Variants in GLDC observed in about 807,000 individuals in gnomAD.
The protein encoded by GLDC is glycine dehydrogenase (decarboxylating), mitochondrial.
A neutral mutation model predicts 121.3 loss-of-function variants in GLDC; 104 were observed. The observed-to-expected ratio is 0.86, with a 90% CI of 0.73 to 1.01. The LOEUF (loss-of-function observed/expected upper bound fraction) is 1.01. Ranked by LOEUF, GLDC falls within the 50% of genes least tolerant of loss-of-function variation. The pLI, the probability that GLDC is intolerant of heterozygous loss-of-function variation, is 0.00. For synonymous variants in GLDC, 546 were observed against 480.6 expected, an observed-to-expected ratio of 1.14 and a Z score of -1.78; for missense variants, 1,429 against 1,306.6, an observed-to-expected ratio of 1.09 and a Z score of -1.44.
At chr9:6,579,028 A>G (rs1298855665) in intron 15 of GLDC, among the ~76,000 whole-genome samples, 1 of 152,104 alleles carries the variant, frequency 6.6e-6, no homozygotes, top group African/African-American at 2.4e-5. Context: ...GAAATCATTT[A>G]TTTCTCTATG....
chr9:6,586,831 C>T (rs1387907879), intron 15 of GLDC, among the ~76,000 whole-genome samples: 2 of 152,146 alleles, frequency 1.3e-5, no homozygotes, highest in African/African-American at 4.8e-5. Context: ...CATCTGGGAA[C>T]ACGCATTCTG....
In GLDC at chr9:6,604,800, G is replaced by C. The variant is rs780268150; in HGVS notation, c.862-16C>G. Reference sequence around the variant, plus strand: ...AGGCCAGGCTCTAGAAAGGAAGTGAGAGAAAAGGAACAAGGTTGCTACCTT... The same window carrying C: ...AGGCCAGGCTCTAGAAAGGAAGTGACAGAAAAGGAACAAGGTTGCTACCTT... On this transcript the variant is annotated splice_polypyrimidine_tract_variant and intron_variant, in intron 6 of 24. Transcript: ENST00000321612. 35 of 1,607,802 alleles carry C rather than the reference G, an allele frequency of 2.2e-5. No homozygotes were observed. Among genetic ancestry groups the C allele is most frequent in the Non-Finnish European group, 2.8e-5 (33 of 1,174,300 alleles).
intron 2 of GLDC, among the ~76,000 whole-genome samples, chr9:6,643,364 A>G (rs567048588): frequency 8.2e-4 from 124 of 151,516 alleles, no homozygotes; most frequent in Admixed American, 1.9e-3. Context: ...CCTGAAGCAG[A>G]TAGGCTCCAT....
At chr9:6,533,220 A>G in intron 24 of GLDC, 60 bp from the exon 25 acceptor site, 3 of 1,471,444 alleles carry the variant, frequency 2.0e-6, no homozygotes, top group Non-Finnish European at 2.9e-6. Context: ...TCTTAGGGCA[A>G]AGGAGGTGGC....
chr9:6,600,357 A>G (rs571614563), intron 8 of GLDC, among the ~76,000 whole-genome samples: 14 of 151,688 alleles, frequency 9.2e-5, no homozygotes, highest in African/African-American at 3.4e-4. Context: ...AATGGACAAC[A>G]GAGCAAGAAT....
At chr9:6,602,824 G>C (rs1446077123) in intron 7 of GLDC, among the ~76,000 whole-genome samples, 7 of 152,000 alleles carry the variant, frequency 4.6e-5, no homozygotes, top group Non-Finnish European at 8.8e-5. Flanking sequence ...GGAAATATAC[G>C]ACAAAATTGA....
chr9:6,564,321 A>G (rs78982505), intron 16 of GLDC, among the ~76,000 whole-genome samples: 1 of 152,102 alleles, frequency 6.6e-6, no homozygotes, highest in Non-Finnish European at 1.5e-5. Context: ...ATCAGGATGA[A>G]CTATGCAAGG....
rs755904706 is a variant in GLDC, at chr9:6,605,155, G to A, written c.837C>T (p.Leu279=). ...CCCCACTCTGATGAGCTCTCTCCACGAGTTCCGTAAAGTCTTCCACCTTCC... is the reference window on the plus strand; with the variant it reads ...CCCCACTCTGATGAGCTCTCTCCACAAGTTCCGTAAAGTCTTCCACCTTCC... ...TEGKVEDFTE[L]VERAHQSGSL... Residue 279 remains leucine, a synonymous_variant, in exon 6 of 25, where the codon CTC becomes CTT. Transcript: ENST00000321612. The A allele has an allele frequency of 9.3e-6, 15 of 1,612,760 alleles. No homozygotes were observed. The highest frequency in any genetic ancestry group is 1.7e-5 in the Admixed American group (1 of 59,974).
chr9:6,641,850 C>A (rs1183598330), intron 2 of GLDC, among the ~76,000 whole-genome samples: 1 of 152,210 alleles, frequency 6.6e-6, no homozygotes, highest in Non-Finnish European at 1.5e-5. Context: ...TTTCTCTGTA[C>A]ATGGCAAATA....
chr9:6,622,231 G>C (rs1266783224), intron 2 of GLDC, among the ~76,000 whole-genome samples: 1 of 150,448 alleles, frequency 6.6e-6, no homozygotes, highest in African/African-American at 2.5e-5. Flanking sequence ...AAATTCACAA[G>C]AGATATGGTC....
chr9:6,610,414 A>G, intron 3 of GLDC, 58 bp from the exon 4 acceptor site: 2 of 1,552,894 alleles, frequency 1.3e-6, no homozygotes, highest in South Asian at 1.1e-5. Flanking sequence ...AAGCACACAA[A>G]ATGCTATCAT....
intron 15 of GLDC, among the ~76,000 whole-genome samples, chr9:6,575,576 C>G (rs1485492934): frequency 2.0e-5 from 3 of 152,198 alleles, no homozygotes; most frequent in African/African-American, 7.2e-5. Flanking sequence ...CTGTTCACAC[C>G]ACAATTTAAG....
chr9:6,643,477 C>A (rs535539240), intron 2 of GLDC, among the ~76,000 whole-genome samples: 42 of 150,792 alleles, frequency 2.8e-4, no homozygotes, highest in African/African-American at 9.7e-4. Context: ...CTTCATTTGA[C>A]TCTAGAAGAA....
chr9:6,599,280 C>A (rs961239098), intron 8 of GLDC, among the ~76,000 whole-genome samples: 3 of 151,932 alleles, frequency 2.0e-5, no homozygotes, highest in Admixed American at 6.6e-5. Flanking sequence ...AAAACTGAGG[C>A]CCTAAATGGA....
At chr9:6,639,934 G>C (rs910761997) in intron 2 of GLDC, among the ~76,000 whole-genome samples, 8 of 152,150 alleles carry the variant, frequency 5.3e-5, no homozygotes, top group Non-Finnish European at 7.4e-5. Flanking sequence ...GCCAGAACTC[G>C]ATTAATAACT....
intron 11 of GLDC, among the ~76,000 whole-genome samples, chr9:6,589,822 C>T (rs1253433941): frequency 1.3e-5 from 2 of 152,120 alleles, no homozygotes; most frequent in East Asian, 1.9e-4. Flanking sequence ...TTTGGGAGGC[C>T]GAGGTGGGTG....
chr9:6,602,050 A>C, intron 8 of GLDC, 59 bp downstream of exon 8: 2 of 989,318 alleles, frequency 2.0e-6, no homozygotes, highest in Non-Finnish European at 3.3e-6. Flanking sequence ...TGAATGAATG[A>C]GTAGCTCATT....
At chr9:6,606,953 C>G (rs1344722657) in intron 4 of GLDC, among the ~76,000 whole-genome samples, 2 of 151,970 alleles carry the variant, frequency 1.3e-5, no homozygotes, top group Non-Finnish European at 2.9e-5. Context: ...ATCCCGGCTA[C>G]TTGGGAGGCT....
chr9:6,555,852 T>C (rs954484518), intron 18 of GLDC, among the ~76,000 whole-genome samples: 3 of 152,000 alleles, frequency 2.0e-5, no homozygotes, highest in South Asian at 2.1e-4. Context: ...CTCAAAAAGA[T>C]TGTGTCACTC....
Sources: allele counts gnomAD v4.1 joint callset (sites outside exome capture counted in the v4.1 genomes callset), GRCh38; gene constraint gnomAD v4.1.1; transcripts MANE v1.5; gene names NCBI Gene and HGNC (gene_info 2026-07-23, HGNC 2026-07-21).